MRAP2: variants seen among roughly 807,000 people sequenced by gnomAD.
MRAP2 encodes the protein melanocortin-2 receptor accessory protein 2.
MRAP2 carries 20 observed loss-of-function variants against 17.4 expected under a neutral mutation model. The observed-to-expected ratio is 1.15, with a 90% CI of 0.81 to 1.67. MRAP2 has a LOEUF of 1.67. Among genes scored for constraint, MRAP2 ranks in the 40% most tolerant of loss-of-function variants. The pLI is 0.00. For missense variants in MRAP2, 238 were observed against 240.0 expected, an observed-to-expected ratio of 0.99 and a Z score of 0.05; for synonymous variants, 96 against 88.4, an observed-to-expected ratio of 1.09 and a Z score of -0.48.
chr6:84,064,924 C>T (rs1403865894), intron 3 of MRAP2, among the ~76,000 whole-genome samples: 3 of 152,136 alleles, frequency 2.0e-5, no homozygotes, highest in Non-Finnish European at 4.4e-5. Flanking sequence ...ATAACAAATG[C>T]CTGTGCAAAG....
the MRAP2 span, among the ~76,000 whole-genome samples, chr6:84,100,504 C>A: frequency 6.6e-6 from 1 of 152,108 alleles, no homozygotes; most frequent in African/African-American, 2.4e-5. Context: ...TGGGCTCAAG[C>A]AATCCACCTG....
intron 1 of MRAP2, chr6:84,052,922 C>T (rs911404885): frequency 1.5e-5 from 5 of 340,214 alleles, no homozygotes; most frequent in East Asian, 1.7e-4. Context: ...CTAAATAGTT[C>T]GTTTAGATGA....
At chr6:84,054,049 C>T (rs890249892) in intron 1 of MRAP2, among the ~76,000 whole-genome samples, 7 of 151,928 alleles carry the variant, frequency 4.6e-5, no homozygotes, top group African/African-American at 1.5e-4. Flanking sequence ...CGGATGCGGG[C>T]GAAAGAAACC....
At chr6:84,104,404 A>G in the MRAP2 span, among the ~76,000 whole-genome samples, 2 of 152,224 alleles carry the variant, frequency 1.3e-5, no homozygotes, top group African/African-American at 4.8e-5. Flanking sequence ...CTCCTCATTA[A>G]TTATGCAAAT....
intron 1 of MRAP2, among the ~76,000 whole-genome samples, chr6:84,045,951 C>T (rs954311748): frequency 2.0e-5 from 3 of 152,228 alleles, no homozygotes; most frequent in Admixed American, 6.5e-5. Context: ...ACTTTCACTA[C>T]ATCCCTTCTG....
At chr6:84,104,867 C>CA in the MRAP2 span, among the ~76,000 whole-genome samples, 1,678 of 146,594 alleles carry the variant, frequency 0.011, 29 homozygotes, top group African/African-American at 0.037. Context: ...GACTCCGTCT[C>CA]AAAAAAAAAA....
chr6:84,098,660 C>G, the MRAP2 span, among the ~76,000 whole-genome samples: 209 of 152,206 alleles, frequency 1.4e-3, no homozygotes, highest in African/African-American at 4.7e-3. Flanking sequence ...TGTATTCATT[C>G]TAATATGCAT....
chr6:84,124,435 G>C, the MRAP2 span: 4 of 152,364 alleles, frequency 2.6e-5, no homozygotes, highest in African/African-American at 9.7e-5. Context: ...AACATGGATA[G>C]AGCTGGAGGC....
chr6:84,093,003 T>G (rs987873021), downstream of MRAP2, among the ~76,000 whole-genome samples: 3 of 152,230 alleles, frequency 2.0e-5, no homozygotes, highest in African/African-American at 7.2e-5. Flanking sequence ...CTACATTCTC[T>G]GGGCCTGAAG....
Position 84,089,360 on chromosome 6 carries a change from T to C in MRAP2, c.497T>C (p.Ile166Thr), listed in dbSNP as rs1167591588. 1 of 1,614,150 alleles carries C rather than the reference T, an allele frequency of 6.2e-7. No individual in the cohort carries two copies. The highest frequency in any genetic ancestry group is 8.5e-7 in the Non-Finnish European group (1 of 1,180,018). ...CTGAACAGGCTCATGAAGTTTGACATCCCCAACTTTGTGAACACAGACCAG... is the reference window on the plus strand; with the variant it reads ...CTGAACAGGCTCATGAAGTTTGACACCCCCAACTTTGTGAACACAGACCAG... ...EELNRLMKFD[I>T]PNFVNTDQNY... is the part of the protein sequence containing the mutation. Residue 166 changes from isoleucine to threonine, a missense_variant, in exon 4 of 4, where the codon ATC becomes ACC. By Grantham distance (89) the Ile-to-Thr change is moderately conservative. Transcript: ENST00000257776.
the MRAP2 span, chr6:84,126,595 A>C: frequency 1.9e-6 from 2 of 1,039,470 alleles, no homozygotes; most frequent in Non-Finnish European, 1.3e-6. Context: ...TATTTGTATA[A>C]AATTTCTCTA....
At chr6:84,107,993 TG>T in the MRAP2 span, among the ~76,000 whole-genome samples, 1 of 152,234 alleles carries the variant, frequency 6.6e-6, no homozygotes, top group Non-Finnish European at 1.5e-5. Flanking sequence ...TTTGATTTGT[TG>T]GTACATGTCT....
the MRAP2 span, among the ~76,000 whole-genome samples, chr6:84,133,014 A>T: frequency 6.6e-6 from 1 of 152,048 alleles, no homozygotes; most frequent in African/African-American, 2.4e-5. Flanking sequence ...GTCTTTGATG[A>T]TGGTGACCTA....
Position 84,049,807 on chromosome 6 carries a change from A to G in MRAP2, c.-7-5505A>G, listed in dbSNP as rs529947336. ...GTGCACAGGAGAAGGGGGGATAGGC[A>G]GGAAATAGATACATCCTGAATTCTC... On this transcript the variant is annotated intron_variant, in intron 1 of 3. Transcript: ENST00000257776. 8.5e-5 allele frequency among the ~76,000 whole-genome samples: 13 copies of G among 152,320 alleles called. 1 individual carries two copies. The South Asian group carries it at 2.5e-3, about 29-fold the overall frequency.
the MRAP2 span, among the ~76,000 whole-genome samples, chr6:84,141,062 G>A: frequency 3.9e-5 from 6 of 152,082 alleles, no homozygotes; most frequent in African/African-American, 1.4e-4. Flanking sequence ...ATCTAATGCC[G>A]CCACTGATCT....
chr6:84,084,859 C>CTTT (rs1265011487), intron 3 of MRAP2, among the ~76,000 whole-genome samples: 1 of 137,124 alleles, frequency 7.3e-6, no homozygotes, highest in Non-Finnish European at 1.5e-5. Context: ...CATTTCATTT[C>CTTT]TTTATTTTAT....
intron 1 of MRAP2, among the ~76,000 whole-genome samples, chr6:84,046,323 C>A (rs1327357204): frequency 6.6e-6 from 1 of 152,032 alleles, no homozygotes; most frequent in Non-Finnish European, 1.5e-5. Context: ...CTGGATGGAA[C>A]CAGTTTAATG....
At chr6:84,133,775 T>C in the MRAP2 span, among the ~76,000 whole-genome samples, 1 of 152,140 alleles carries the variant, frequency 6.6e-6, no homozygotes, top group Admixed American at 6.5e-5. Context: ...CAGCTTCCCT[T>C]GGCTAGGAAA....
the MRAP2 span, among the ~76,000 whole-genome samples, chr6:84,122,223 G>A: frequency 6.6e-6 from 1 of 151,698 alleles, no homozygotes; most frequent in African/African-American, 2.4e-5. Context: ...TATAAATACA[G>A]TGTCACCCTG....
Sources: allele counts gnomAD v4.1 joint callset (sites outside exome capture counted in the v4.1 genomes callset), GRCh38; gene constraint gnomAD v4.1.1; transcripts MANE v1.5; gene names NCBI Gene and HGNC (gene_info 2026-07-23, HGNC 2026-07-21).